TARS3: variants seen among roughly 807,000 people sequenced by gnomAD.
TARS3 encodes threonine--tRNA ligase 2, cytoplasmic.
TARS3 carries 94 observed loss-of-function variants against 103.5 expected under a neutral mutation model. The ratio of observed to expected loss-of-function variants is 0.91; its 90% CI spans 0.77 to 1.08. The LOEUF (loss-of-function observed/expected upper bound fraction) is 1.08, where lower values mean the gene tolerates loss of function less well. Ranked by LOEUF, TARS3 falls within the 50% of genes least tolerant of loss-of-function variation. The pLI, the probability that TARS3 is intolerant of heterozygous loss-of-function variation, is 0.00. For missense variants in TARS3, 952 were observed against 995.2 expected, an observed-to-expected ratio of 0.96 and a Z score of 0.58; for synonymous variants, 416 against 355.4, an observed-to-expected ratio of 1.17 and a Z score of -1.92.
chr15:101,713,997 T>G (rs1308868362), intron 4 of TARS3, among the ~76,000 whole-genome samples: 1 of 152,226 alleles, frequency 6.6e-6, no homozygotes, highest in Non-Finnish European at 1.5e-5. Flanking sequence ...AGCCTTGCAA[T>G]TATTGTAACC....
rs113038884 is a variant in TARS3 at position 101,707,350 on chromosome 15, A to T, written c.930+1443T>A. ...CCCCTTCTAAGTATATTCCCAAAAG[A>T]AGTAAAGCAGAGACTCAAACAGAAC... On this transcript the variant is annotated intron_variant, in intron 6 of 18. Coordinates refer to ENST00000335968, the MANE Select transcript of TARS3 (RefSeq NM_152334.3). Among the ~76,000 whole-genome samples, 877 of 152,310 alleles carry T rather than the reference A, an allele frequency of 5.8e-3. 6 individuals are homozygous for T. The highest frequency in any genetic ancestry group is 9.1e-3 in the Non-Finnish European group (622 of 68,032).
chr15:101,690,882 T>C (rs935894866), intron 10 of TARS3, among the ~76,000 whole-genome samples: 1 of 152,226 alleles, frequency 6.6e-6, no homozygotes, highest in African/African-American at 2.4e-5. Context: ...ACTTTCTCTC[T>C]AAGTATATGA....
intron 16 of TARS3, among the ~76,000 whole-genome samples, chr15:101,660,143 C>T (rs879466250): frequency 1.2e-4 from 19 of 152,192 alleles, no homozygotes; most frequent in African/African-American, 2.2e-4. Context: ...CAGTATCATC[C>T]GGTGCCCAGT....
chr15:101,718,925 G>A (rs182379218), intron 3 of TARS3, among the ~76,000 whole-genome samples: 24 of 152,304 alleles, frequency 1.6e-4, no homozygotes, highest in Admixed American at 9.8e-4. Context: ...GAACCCTCAG[G>A]CCCCAAATGT....
At chr15:101,707,577 G>C (rs867276638) in intron 6 of TARS3, among the ~76,000 whole-genome samples, 49 of 152,224 alleles carry the variant, frequency 3.2e-4, no homozygotes, top group Middle Eastern at 6.8e-3. Flanking sequence ...ACTTTTTGCT[G>C]AGTGAAACAA....
chr15:101,698,756 C>T (rs1899107629), intron 10 of TARS3, among the ~76,000 whole-genome samples: 1 of 152,198 alleles, frequency 6.6e-6, no homozygotes, highest in Non-Finnish European at 1.5e-5. Context: ...CGAGGAGCCT[C>T]ATCTGCAGCT....
At chr15:101,688,189 A>G (rs1336593592) in intron 10 of TARS3, among the ~76,000 whole-genome samples, 1 of 152,230 alleles carries the variant, frequency 6.6e-6, no homozygotes, top group Non-Finnish European at 1.5e-5. Flanking sequence ...TAAATAACAG[A>G]GAGATAAAGC....
At chr15:101,692,774 CAT>C (rs1249837994) in intron 10 of TARS3, among the ~76,000 whole-genome samples, 2 of 152,244 alleles carry the variant, frequency 1.3e-5, no homozygotes, top group Non-Finnish European at 2.9e-5. Flanking sequence ...TAGCCAGGCC[CAT>C]ATCTCCATAA....
At position 101,724,245 on chromosome 15, in the gene TARS3, G is replaced by A. The variant is rs756142887; in HGVS notation, c.143C>T (p.Pro48Leu). The change falls in exon 1 of 19, where the codon CCG (proline) becomes CTG (leucine). Residue 48 changes from proline (P) to leucine (L), a missense_variant. Pro to Leu is a moderately conservative substitution (Grantham distance 98). Around this residue, in one of 2 missense-constraint regions of TARS3, gnomAD observed 412 missense variants for 364.2 expected, o/e 1.13. Coordinates refer to ENST00000335968, the MANE Select transcript of TARS3 (RefSeq NM_152334.3). ...NAPYSCQAEG[P>L]CLTREVAQLR... ...CTGCGCCACCTCCCGCGTGAGGCACGGCCCCTCCGCCTGGCAGCTGTAGGG... is the reference window on the plus strand; with the variant it reads ...CTGCGCCACCTCCCGCGTGAGGCACAGCCCCTCCGCCTGGCAGCTGTAGGG... The A allele has an allele frequency of 3.9e-6, 6 of 1,556,368 alleles. 1 individual carries two copies. The highest frequency in any genetic ancestry group is 1.7e-4 in the Middle Eastern group (1 of 5,910).
intron 15 of TARS3, among the ~76,000 whole-genome samples, chr15:101,663,491 C>T (rs1489065052): frequency 6.6e-6 from 1 of 152,212 alleles, no homozygotes; most frequent in Non-Finnish European, 1.5e-5. Context: ...TGCCTAACGA[C>T]ACATTTCTCC....
At chr15:101,654,875 G>A (rs972622731) in intron 18 of TARS3, 145 bp from the exon 19 acceptor site, 1 of 793,926 alleles carries the variant, frequency 1.3e-6, no homozygotes, top group Non-Finnish European at 2.0e-6. Flanking sequence ...TCCTCTGATA[G>A]TTAAGTTTCT....
At chr15:101,675,503 C>T in intron 13 of TARS3, 97 bp downstream of exon 13, 1 of 1,247,014 alleles carries the variant, frequency 8.0e-7, no homozygotes, top group Non-Finnish European at 1.1e-6. Flanking sequence ...TTCAAAATTT[C>T]TATTACAAAT....
intron 10 of TARS3, among the ~76,000 whole-genome samples, chr15:101,691,320 C>T (rs548240806): frequency 4.0e-5 from 6 of 151,606 alleles, no homozygotes; most frequent in South Asian, 2.1e-4. Context: ...TGCTCTCTTG[C>T]CCAGGCTGGA....
At chr15:101,665,402 T>C (rs1351359825) in intron 15 of TARS3, among the ~76,000 whole-genome samples, 3 of 152,220 alleles carry the variant, frequency 2.0e-5, no homozygotes, top group Non-Finnish European at 4.4e-5. Flanking sequence ...AAATAAATTA[T>C]ATAACTTAAA....
chr15:101,713,019 G>A (rs1899941534), intron 4 of TARS3, among the ~76,000 whole-genome samples: 1 of 152,174 alleles, frequency 6.6e-6, no homozygotes, highest in East Asian at 1.9e-4. Flanking sequence ...CTCCCATGTG[G>A]TGCACTGTCC....
chr15:101,701,030 T>C (rs1181717300), intron 10 of TARS3, 56 bp downstream of exon 10: 3 of 1,167,016 alleles, frequency 2.6e-6, no homozygotes, highest in African/African-American at 3.1e-5. Flanking sequence ...TGAGAGAAAA[T>C]AGTAAAAATG....
At position 101,711,925 on chromosome 15, in the gene TARS3, G is replaced by A. The variant is rs146271638; in HGVS notation, c.767C>T (p.Pro256Leu). ...ATAATAAAATCCATTTTCAATGGGCGGACCGTAGCACAGGTGGCCTCCATA... is the reference window on the plus strand; with the variant it reads ...ATAATAAAATCCATTTTCAATGGGCAGACCGTAGCACAGGTGGCCTCCATA... ...LYYGGHLCYG[P>L]PIENGFYYDM... Residue 256 changes from proline (P) to leucine (L), a missense_variant, in exon 5 of 19, where the codon CCG (proline) becomes CTG (leucine). Pro to Leu is a moderately conservative substitution (Grantham distance 98). This residue lies in a region of TARS3 where 412 missense variants were observed against 364.2 expected (regional missense o/e 1.13). Coordinates refer to ENST00000335968, the MANE Select transcript of TARS3 (RefSeq NM_152334.3). 2.8e-5 allele frequency: 45 copies of A among 1,613,772 alleles called. No homozygotes were observed. The highest frequency in any genetic ancestry group is 1.7e-4 in the African/African-American group (13 of 74,908).
intron 6 of TARS3, among the ~76,000 whole-genome samples, chr15:101,706,428 T>A (rs1309595114): frequency 6.6e-6 from 1 of 152,254 alleles, no homozygotes; most frequent in Non-Finnish European, 1.5e-5. Context: ...ATACTTTTTA[T>A]ATATTGGGTT....
chr15:101,671,458 A>C, intron 15 of TARS3, 28 bp downstream of exon 15: 1 of 1,500,722 alleles, frequency 6.7e-7, no homozygotes. Context: ...TATTAGTACT[A>C]TAATATTTAT....
Sources: gnomAD v4.1 joint callset for allele counts (sites outside exome capture counted in the v4.1 genomes callset) on GRCh38, gnomAD v4.1.1 for gene constraint, gnomAD v4.1.1 regional missense constraint, MANE v1.5 for transcripts, NCBI Gene and HGNC (gene_info 2026-07-23, HGNC 2026-07-21) for gene names.